PCCA: variants seen among roughly 807,000 people sequenced by gnomAD.
PCCA encodes the protein propionyl-CoA carboxylase subunit alpha, also known as propionyl-CoA carboxylase alpha chain, mitochondrial.
In PCCA, 74 loss-of-function variants were observed where a neutral mutation model predicts 101.3. The observed-to-expected ratio is 0.73, with a 90% CI of 0.61 to 0.89. The LOEUF (loss-of-function observed/expected upper bound fraction) is 0.89, where lower values mean the gene tolerates loss of function less well. Ranked by LOEUF, PCCA falls within the 40% of genes least tolerant of loss-of-function variation. PCCA has a pLI of 0.00. For missense variants in PCCA, 891 were observed against 907.0 expected (o/e 0.98, Z 0.23); for synonymous variants, 294 against 313.6 (o/e 0.94, Z 0.66).
intron 19 of PCCA, among the ~76,000 whole-genome samples, chr13:100,369,931 T>A (rs1362534476): frequency 6.6e-6 from 1 of 152,136 alleles, no homozygotes; most frequent in Non-Finnish European, 1.5e-5. Context: ...TACAAAAATG[T>A]AGAGTTTAGC....
At chr13:100,161,578 CTTTG>C (rs1167926216) in intron 6 of PCCA, 16 of 152,100 alleles carry the variant, frequency 1.1e-4, no homozygotes, top group Admixed American at 2.6e-4. Flanking sequence ...TTGCCAGTGA[CTTTG>C]TTTAACAATT....
chr13:100,232,096 A>G (rs1231247580), intron 7 of PCCA, among the ~76,000 whole-genome samples: 4 of 152,170 alleles, frequency 2.6e-5, no homozygotes, highest in Non-Finnish European at 1.5e-5. Flanking sequence ...CTTGTATAGA[A>G]CCAAGGCATC....
chr13:100,343,430 A>G (rs2071697848), intron 18 of PCCA, among the ~76,000 whole-genome samples: 1 of 152,264 alleles, frequency 6.6e-6, no homozygotes, highest in Admixed American at 6.5e-5. Flanking sequence ...CTATGAGCTT[A>G]TTCAGCAGTA....
intron 19 of PCCA, among the ~76,000 whole-genome samples, chr13:100,379,085 A>G (rs1213307482): frequency 1.3e-5 from 2 of 152,136 alleles, no homozygotes; most frequent in Non-Finnish European, 2.9e-5. Context: ...ATAGGGGAAG[A>G]CTTTTTCCTG....
chr13:100,379,790 C>G (rs943797948), intron 19 of PCCA, among the ~76,000 whole-genome samples: 1 of 152,108 alleles, frequency 6.6e-6, no homozygotes, highest in Admixed American at 6.5e-5. Context: ...GGAAGACCCA[C>G]CCCCGTGATT....
intron 19 of PCCA, among the ~76,000 whole-genome samples, chr13:100,421,111 A>C (rs1361223332): frequency 2.0e-5 from 3 of 152,072 alleles, no homozygotes; most frequent in Admixed American, 6.5e-5. Context: ...GGAGGCTGAG[A>C]CAGGAGAATC....
intron 16 of PCCA, among the ~76,000 whole-genome samples, chr13:100,319,586 A>G (rs1222544867): frequency 2.0e-5 from 3 of 152,190 alleles, no homozygotes; most frequent in African/African-American, 7.2e-5. Context: ...CATTTATTAA[A>G]TAGGGAATCC....
intron 6 of PCCA, among the ~76,000 whole-genome samples, chr13:100,165,844 C>T (rs2054982744): frequency 1.3e-5 from 2 of 151,884 alleles, no homozygotes; most frequent in Admixed American, 6.6e-5. Context: ...GTGTAGCGAG[C>T]TATGAATCCA....
intron 21 of PCCA, among the ~76,000 whole-genome samples, chr13:100,466,613 A>C (rs1212122299): frequency 6.6e-6 from 1 of 152,170 alleles, no homozygotes; most frequent in African/African-American, 2.4e-5. Context: ...GGAAAGAATT[A>C]GTGGATAGGT....
chr13:100,295,423 G>C (rs1055824263), intron 12 of PCCA, among the ~76,000 whole-genome samples: 1 of 152,030 alleles, frequency 6.6e-6, no homozygotes, highest in Admixed American at 6.5e-5. Flanking sequence ...GATAGCTTTC[G>C]AAAAAACAAG....
intron 4 of PCCA, chr13:100,150,756 TC>T: frequency 6.3e-7 from 1 of 1,590,678 alleles, no homozygotes; most frequent in Non-Finnish European, 8.6e-7. Flanking sequence ...TTCAGGACTC[TC>T]AAAGCCCCAC....
chr13:100,265,301 G>T (rs1453386481), intron 10 of PCCA, among the ~76,000 whole-genome samples: 1 of 152,104 alleles, frequency 6.6e-6, no homozygotes, highest in Non-Finnish European at 1.5e-5. Context: ...TTGTTTGTTT[G>T]ATGTGAGGCA....
In PCCA at chr13:100,325,503, G is replaced by C. The variant is rs150380227; in HGVS notation, c.1430-5058G>C. ...GAAGAGAAAGGATATCTGCTGAACA[G>C]GTTTTTAATGCAGACGCAAGTGCCT... On this transcript the variant is annotated intron_variant, in intron 16 of 23. Coordinates refer to ENST00000376285, the MANE Select transcript of PCCA (RefSeq NM_000282.4). 2.0e-5 allele frequency among the ~76,000 whole-genome samples: 3 copies of C among 152,250 alleles called. No homozygotes were observed. In the East Asian group the frequency reaches 5.8e-4, roughly 29 times the overall value.
chr13:100,356,823 T>C (rs1244591530), intron 18 of PCCA, among the ~76,000 whole-genome samples: 1 of 152,148 alleles, frequency 6.6e-6, no homozygotes, highest in Non-Finnish European at 1.5e-5. Flanking sequence ...GTCCTTCAAA[T>C]GATGAATGAG....
chr13:100,528,050 C>G (rs142674555), intron 23 of PCCA, among the ~76,000 whole-genome samples: 43 of 152,354 alleles, frequency 2.8e-4, no homozygotes, highest in Admixed American at 1.2e-3. Context: ...ATGTTTACAT[C>G]TGTCTTGAAG....
rs776449255 is a variant in PCCA, at chr13:100,089,210, G to T, written c.90G>T (p.Ala30=). The T allele has an allele frequency of 6.6e-7, 1 of 1,523,398 alleles. No homozygotes were observed. Among genetic ancestry groups the T allele is most frequent in the African/African-American group, 1.4e-5 (1 of 70,584 alleles). The allele number at this position is 1,523,398 out of a possible 1,614,324, so 94.4% of individuals were successfully genotyped here. A position where few individuals can be genotyped will look rare whatever the true frequency, so the allele number is the denominator to read the frequency against. ...WPPQQLMLSA[A]LRTLKHVLYY... is the part of the protein sequence containing the mutation. Reference sequence around the variant, plus strand: ...CGCAGCAGCTGATGCTGAGCGCGGCGCTGCGGACCCTGAAGGTGAGGAGCA... The same window carrying T: ...CGCAGCAGCTGATGCTGAGCGCGGCTCTGCGGACCCTGAAGGTGAGGAGCA... The change falls in exon 1 of 24, where the codon GCG becomes GCT. Residue 30 remains alanine (A), a synonymous_variant. Transcript: ENST00000376285.
At chr13:100,505,717 A>G (rs117160892) in intron 21 of PCCA, among the ~76,000 whole-genome samples, 1,962 of 152,226 alleles carry the variant, frequency 0.013, 21 homozygotes, top group Non-Finnish European at 0.02. Context: ...ATACTCAAAC[A>G]CTAAGCAGGC....
At chr13:100,430,920 T>G (rs1429906179) in intron 20 of PCCA, among the ~76,000 whole-genome samples, 2 of 152,214 alleles carry the variant, frequency 1.3e-5, no homozygotes, top group Non-Finnish European at 2.9e-5. Context: ...CTAAGCACTT[T>G]GTATGTATGA....
intron 20 of PCCA, among the ~76,000 whole-genome samples, chr13:100,431,648 C>T (rs761270099): frequency 5.3e-5 from 8 of 151,704 alleles, no homozygotes; most frequent in African/African-American, 9.7e-5. Flanking sequence ...GGGTGGATCA[C>T]GAGGTCAGGA....
Sources: allele counts gnomAD v4.1 joint callset (sites outside exome capture counted in the v4.1 genomes callset), GRCh38; gene constraint gnomAD v4.1.1; transcripts MANE v1.5; gene names NCBI Gene and HGNC (gene_info 2026-07-23, HGNC 2026-07-21).